The following NDST4 variants were observed in gnomAD, a reference collection of about 807,000 sequenced individuals.
NDST4 encodes N-heparan sulfate sulfotransferase 4.
A neutral mutation model predicts 100.8 loss-of-function variants in NDST4; 63 were observed. The ratio of observed to expected loss-of-function variants is 0.62; its 90% CI spans 0.51 to 0.77. The LOEUF (loss-of-function observed/expected upper bound fraction) is 0.77. Ranked by LOEUF, NDST4 falls within the 30% of genes least tolerant of loss-of-function variation. The pLI, the probability that NDST4 is intolerant of heterozygous loss-of-function variation, is 0.00. For missense variants in NDST4, 943 were observed against 1,018.4 expected (o/e 0.93, Z 1.01); for synonymous variants, 377 against 361.8 (o/e 1.04, Z -0.48).
chr4:114,847,896 A>G (rs958468812), intron 9 of NDST4, among the ~76,000 whole-genome samples: 1 of 152,186 alleles, frequency 6.6e-6, no homozygotes, highest in Non-Finnish European at 1.5e-5. Flanking sequence ...ATGTGTTGAG[A>G]AAAAAATTAG....
intron 2 of NDST4, among the ~76,000 whole-genome samples, chr4:114,985,897 G>C (rs1026404307): frequency 6.6e-6 from 1 of 152,096 alleles, no homozygotes; most frequent in African/African-American, 2.4e-5. Context: ...ATGGGACCTG[G>C]GGAGTCTGCT....
intron 1 of NDST4, among the ~76,000 whole-genome samples, chr4:115,086,339 A>G (rs1729409776): frequency 6.6e-6 from 1 of 152,096 alleles, no homozygotes. Context: ...AGTAATTGTT[A>G]TATTTAATCA....
At chr4:115,005,166 T>C (rs748591388) in intron 2 of NDST4, among the ~76,000 whole-genome samples, 12 of 152,224 alleles carry the variant, frequency 7.9e-5, no homozygotes, top group Non-Finnish European at 1.6e-4. Flanking sequence ...TAAATATTTT[T>C]GAGTGTTCAC....
intron 2 of NDST4, among the ~76,000 whole-genome samples, chr4:114,980,896 TA>T (rs1374943785): frequency 2.6e-5 from 4 of 152,160 alleles, no homozygotes; most frequent in African/African-American, 9.6e-5. Flanking sequence ...AATAGTCTCC[TA>T]ATAAATTTCT....
In NDST4 at chr4:115,024,483, C is replaced by T. The variant is rs578164618; in HGVS notation, c.979-47209G>A. Among the ~76,000 whole-genome samples the T allele has an allele frequency of 2.0e-5, 3 of 152,186 alleles. No homozygotes were observed. The South Asian group carries it at 6.2e-4, about 32-fold the overall frequency. ...GTTTTGACTTACTTGGCAGTAGTTA[C>T]CCATCTTTTCTCACCTATTTATTTT... is the stretch of plus-strand genomic sequence containing the variant. On this transcript the variant is annotated intron_variant, in intron 2 of 13. Transcript: ENST00000264363.
intron 4 of NDST4, among the ~76,000 whole-genome samples, chr4:114,942,260 C>T (rs956982641): frequency 3.3e-5 from 5 of 152,166 alleles, no homozygotes; most frequent in Middle Eastern, 3.2e-3. Flanking sequence ...TTGCTAAGTA[C>T]TGGGGATGCC....
intron 6 of NDST4, among the ~76,000 whole-genome samples, chr4:114,875,239 A>T (rs1179386232): frequency 6.6e-6 from 1 of 152,146 alleles, no homozygotes; most frequent in Non-Finnish European, 1.5e-5. Flanking sequence ...ACTTCTACCT[A>T]TGTTTCTCCC....
chr4:114,868,113 G>A (rs1724072873), intron 7 of NDST4, among the ~76,000 whole-genome samples: 1 of 152,070 alleles, frequency 6.6e-6, no homozygotes. Context: ...TGTGTGAATT[G>A]AAAATCTAAA....
At chr4:115,048,440 C>T (rs1378357897) in intron 2 of NDST4, among the ~76,000 whole-genome samples, 3 of 151,968 alleles carry the variant, frequency 2.0e-5, no homozygotes, top group African/African-American at 4.8e-5. Context: ...AGACTCATTT[C>T]GAATAAAACA....
At chr4:115,083,671 T>C (rs981378427) in intron 1 of NDST4, among the ~76,000 whole-genome samples, 1 of 152,058 alleles carries the variant, frequency 6.6e-6, no homozygotes, top group African/African-American at 2.4e-5. Context: ...GGGAGGTAAT[T>C]GAATCATCGT....
chr4:114,918,857 A>G (rs1401235997), intron 6 of NDST4, among the ~76,000 whole-genome samples: 1 of 152,212 alleles, frequency 6.6e-6, no homozygotes, highest in Non-Finnish European at 1.5e-5. Flanking sequence ...CTTGGAAAGC[A>G]CAATTTCACT....
At chr4:114,962,196 C>T (rs1179382467) in intron 4 of NDST4, among the ~76,000 whole-genome samples, 2 of 152,060 alleles carry the variant, frequency 1.3e-5, no homozygotes, top group Admixed American at 6.5e-5. Context: ...CTACAGCTAA[C>T]ATCATGCCTA....
At chr4:115,060,821 A>T (rs1204026624) in intron 2 of NDST4, among the ~76,000 whole-genome samples, 1 of 152,062 alleles carries the variant, frequency 6.6e-6, no homozygotes, top group East Asian at 1.9e-4. Flanking sequence ...AAATATTTAA[A>T]TTATTAAAAT....
intron 6 of NDST4, among the ~76,000 whole-genome samples, chr4:114,917,278 T>A (rs1725194440): frequency 6.6e-6 from 1 of 152,174 alleles, no homozygotes; most frequent in African/African-American, 2.4e-5. Flanking sequence ...ACATTTTTGA[T>A]CTGAGATTGT....
At chr4:115,006,785 C>T (rs1727429076) in intron 2 of NDST4, among the ~76,000 whole-genome samples, 1 of 152,000 alleles carries the variant, frequency 6.6e-6, no homozygotes, top group African/African-American at 2.4e-5. Context: ...ATAAAGTTTA[C>T]AGAGACATAT....
intron 6 of NDST4, among the ~76,000 whole-genome samples, chr4:114,888,826 C>T (rs1408267261): frequency 6.6e-6 from 1 of 152,108 alleles, no homozygotes; most frequent in Non-Finnish European, 1.5e-5. Flanking sequence ...TCGGTTGAGA[C>T]CATGGGATCC....
At chr4:114,931,422 A>G (rs1725511549) in intron 6 of NDST4, among the ~76,000 whole-genome samples, 1 of 151,626 alleles carries the variant, frequency 6.6e-6, no homozygotes, top group African/African-American at 2.4e-5. Flanking sequence ...GATATCAGAT[A>G]AAAAGCTTAA....
chr4:115,024,166 G>A (rs1055101966), intron 2 of NDST4, among the ~76,000 whole-genome samples: 1 of 152,120 alleles, frequency 6.6e-6, no homozygotes, highest in Non-Finnish European at 1.5e-5. Flanking sequence ...CTAGGAAAAT[G>A]CCCAGCAAAA....
intron 7 of NDST4, among the ~76,000 whole-genome samples, chr4:114,855,062 T>A (rs1401874089): frequency 6.6e-6 from 1 of 152,222 alleles, no homozygotes; most frequent in Non-Finnish European, 1.5e-5. Context: ...TATAATAATT[T>A]GGCATTTGTA....
Sources: gnomAD v4.1 joint callset for allele counts (sites outside exome capture counted in the v4.1 genomes callset) on GRCh38, gnomAD v4.1.1 for gene constraint, MANE v1.5 for transcripts, NCBI Gene and HGNC (gene_info 2026-07-23, HGNC 2026-07-21) for gene names.